Variants in NTRK2 observed in about 807,000 individuals in gnomAD.
NTRK2 encodes BDNF/NT-3 growth factors receptor.
A neutral mutation model predicts 94.5 loss-of-function variants in NTRK2; 13 were observed. That is an observed-to-expected ratio of 0.14 (90% CI 0.09 to 0.22). The LOEUF is 0.22. Among genes scored for constraint, NTRK2 ranks in the 10% least tolerant of loss-of-function variants. The probability of loss-of-function intolerance (pLI) is 1.00; values close to 1 mark genes in which losing one functional copy is unlikely to be tolerated. For missense variants in NTRK2, 639 were observed against 1,071.2 expected, an observed-to-expected ratio of 0.60 and a Z score of 5.63; for synonymous variants, 372 against 407.4, an observed-to-expected ratio of 0.91 and a Z score of 1.05.
chr9:84,964,835 A>T (rs935402516), intron 17 of NTRK2, among the ~76,000 whole-genome samples: 4 of 152,238 alleles, frequency 2.6e-5, no homozygotes, highest in African/African-American at 9.6e-5. Context: ...GAAGATGGTT[A>T]TCATTTCTCT....
intron 14 of NTRK2, among the ~76,000 whole-genome samples, chr9:84,904,519 A>G (rs1377122972): frequency 6.6e-6 from 1 of 152,224 alleles, no homozygotes; most frequent in Admixed American, 6.5e-5. Flanking sequence ...AATGGAAGCT[A>G]ATTGTTAAAA....
intron 15 of NTRK2, among the ~76,000 whole-genome samples, chr9:84,940,629 C>G (rs948082284): frequency 1.1e-4 from 16 of 152,090 alleles, no homozygotes; most frequent in Non-Finnish European, 8.8e-5. Context: ...ACAGAAGAGG[C>G]CACCTCTGGG....
rs1190664124 is a variant in NTRK2, at chr9:84,718,997, A to G, written c.584-4576A>G. Among the ~76,000 whole-genome samples, 5 of 152,328 alleles carry G rather than the reference A, an allele frequency of 3.3e-5. No homozygotes were observed. In the East Asian group the frequency reaches 9.6e-4, roughly 29 times the overall value. On this transcript the variant is annotated intron_variant, in intron 6 of 18. Coordinates refer to ENST00000277120, the MANE Select transcript of NTRK2 (RefSeq NM_006180.6). ...AGATTCCTTTGGAAACTGCGATGAC[A>G]GGGTGATACAATTTCTCTATAAATA...
chr9:84,986,019 G>A (rs1032117630), intron 17 of NTRK2, among the ~76,000 whole-genome samples: 7 of 152,172 alleles, frequency 4.6e-5, no homozygotes, highest in Non-Finnish European at 8.8e-5. Context: ...ACACATAGAT[G>A]CCCTCTGTGT....
intron 14 of NTRK2, among the ~76,000 whole-genome samples, chr9:84,878,735 T>C (rs1357965290): frequency 6.6e-6 from 1 of 152,190 alleles, no homozygotes; most frequent in African/African-American, 2.4e-5. Context: ...TCTCAATAAC[T>C]GGATTTTTAG....
rs186777544 is a variant in NTRK2 at position 84,727,428 on chromosome 9, G to C, written c.854-226G>C. Among the ~76,000 whole-genome samples, 224 of 152,234 alleles carry C rather than the reference G, an allele frequency of 1.5e-3. 1 individual carries two copies. The highest frequency in any genetic ancestry group is 2.5e-3 in the Non-Finnish European group (171 of 68,026). ...GATTTGAGAAATGACTGTAATGCAG[G>C]GGTCTTAAGTAGAACAGAGAAAGGA... is the stretch of plus-strand genomic sequence containing the variant. On this transcript the variant is annotated intron_variant, in intron 8 of 18. Transcript: ENST00000277120.
intron 17 of NTRK2, among the ~76,000 whole-genome samples, chr9:84,969,814 G>A (rs1336623553): frequency 1.3e-5 from 2 of 152,136 alleles, no homozygotes; most frequent in Non-Finnish European, 2.9e-5. Flanking sequence ...TTCTATCCAT[G>A]GATCCCTTTA....
chr9:84,837,726 G>A (rs913597137), intron 12 of NTRK2, among the ~76,000 whole-genome samples: 1 of 152,150 alleles, frequency 6.6e-6, no homozygotes, highest in Non-Finnish European at 1.5e-5. Context: ...AAGTCTATTT[G>A]GTTGTCTCAA....
intron 12 of NTRK2, among the ~76,000 whole-genome samples, chr9:84,821,760 A>C (rs2072851742): frequency 6.6e-6 from 1 of 151,940 alleles, no homozygotes; most frequent in Non-Finnish European, 1.5e-5. Flanking sequence ...TTATAAAATA[A>C]CCAGCCTGAA....
intron 2 of NTRK2, among the ~76,000 whole-genome samples, chr9:84,684,001 T>C (rs1302824692): frequency 1.3e-5 from 2 of 152,120 alleles, no homozygotes; most frequent in Admixed American, 1.3e-4. Flanking sequence ...CGTCTTGTTT[T>C]GAGAAATATC....
chr9:84,688,630 A>G (rs2059862432), intron 2 of NTRK2, among the ~76,000 whole-genome samples: 1 of 152,074 alleles, frequency 6.6e-6, no homozygotes, highest in Non-Finnish European at 1.5e-5. Flanking sequence ...TCTTCCCCAT[A>G]TGGATTTTAT....
intron 14 of NTRK2, chr9:84,874,779 G>C (rs1177938139): frequency 1.9e-6 from 2 of 1,058,946 alleles, no homozygotes; most frequent in African/African-American, 3.3e-5. Flanking sequence ...CCCTTTGTTT[G>C]GGTTTGCTTC....
chr9:84,936,166 G>A (rs1377394569), intron 15 of NTRK2, among the ~76,000 whole-genome samples: 2 of 152,152 alleles, frequency 1.3e-5, no homozygotes, highest in African/African-American at 4.8e-5. Context: ...GAAACCTCAG[G>A]CAGATATAGA....
intron 12 of NTRK2, among the ~76,000 whole-genome samples, chr9:84,788,913 GC>G (rs1294641282): frequency 6.6e-6 from 1 of 152,184 alleles, no homozygotes; most frequent in Admixed American, 6.5e-5. Flanking sequence ...GAAGTCATTA[GC>G]CTAGAGGTAA....
chr9:84,874,163 T>C, intron 14 of NTRK2: 1 of 1,065,042 alleles, frequency 9.4e-7, no homozygotes, highest in Non-Finnish European at 1.1e-6. Flanking sequence ...TTGGCCACTC[T>C]TGCATGTGCT....
At chr9:85,016,253 TA>T (rs1288266948) in intron 17 of NTRK2, among the ~76,000 whole-genome samples, 1 of 152,186 alleles carries the variant, frequency 6.6e-6, no homozygotes, top group East Asian at 1.9e-4. Context: ...TCAAGCTGGT[TA>T]ATAGCAGCAG....
intron 17 of NTRK2, among the ~76,000 whole-genome samples, chr9:84,995,066 A>C (rs1046859358): frequency 7.9e-5 from 12 of 152,202 alleles, no homozygotes; most frequent in African/African-American, 2.7e-4. Flanking sequence ...AGAGAACTAA[A>C]AATTCCATGT....
chr9:84,831,764 A>C (rs2073562618), intron 12 of NTRK2, among the ~76,000 whole-genome samples: 1 of 152,366 alleles, frequency 6.6e-6, no homozygotes, highest in East Asian at 1.9e-4. Context: ...CCTAGGCCAC[A>C]TGATGGATAA....
intron 6 of NTRK2, among the ~76,000 whole-genome samples, chr9:84,721,336 C>T (rs930980436): frequency 6.6e-5 from 10 of 152,200 alleles, no homozygotes; most frequent in South Asian, 2.1e-4. Context: ...CCACTGCGCA[C>T]GGCTAATTTT....
Sources: gnomAD v4.1 joint callset for allele counts (sites outside exome capture counted in the v4.1 genomes callset) on GRCh38, gnomAD v4.1.1 for gene constraint, MANE v1.5 for transcripts, NCBI Gene and HGNC (gene_info 2026-07-23, HGNC 2026-07-21) for gene names.